MAN2A1: variants seen among roughly 807,000 people sequenced by gnomAD.
MAN2A1 encodes mannosidase alpha class 2A member 1.
In MAN2A1, 76 loss-of-function variants were observed where a neutral mutation model predicts 142.6. The ratio of observed to expected loss-of-function variants is 0.53; its 90% CI spans 0.44 to 0.65. The LOEUF (loss-of-function observed/expected upper bound fraction) is 0.65. Ranked by LOEUF, MAN2A1 falls within the 30% of genes least tolerant of loss-of-function variation. The pLI, the probability that MAN2A1 is intolerant of heterozygous loss-of-function variation, is 0.00. For synonymous variants in MAN2A1, 559 were observed against 473.2 expected (o/e 1.18, Z -2.35); for missense variants, 1,311 against 1,365.1 (o/e 0.96, Z 0.62).
intron 20 of MAN2A1, among the ~76,000 whole-genome samples, chr5:109,855,762 G>A (rs1353231782): frequency 1.3e-5 from 2 of 152,114 alleles, no homozygotes; most frequent in Non-Finnish European, 2.9e-5. Flanking sequence ...AAAACCAACT[G>A]TTTAGAAGAA....
chr5:109,789,689 G>A (rs951195962), intron 12 of MAN2A1, among the ~76,000 whole-genome samples, 162 bp downstream of exon 12: 1 of 151,788 alleles, frequency 6.6e-6, no homozygotes, highest in Non-Finnish European at 1.5e-5. Context: ...TATGCTCAGT[G>A]CCAATAGCTA....
At chr5:109,699,140 T>C (rs542391215) in intron 1 of MAN2A1, among the ~76,000 whole-genome samples, 1 of 152,218 alleles carries the variant, frequency 6.6e-6, no homozygotes, top group Non-Finnish European at 1.5e-5. Flanking sequence ...TCATCAACTT[T>C]AGGCCTAAAG....
chr5:109,811,948 A>C (rs1021495869), intron 12 of MAN2A1, among the ~76,000 whole-genome samples: 8 of 151,980 alleles, frequency 5.3e-5, no homozygotes, highest in African/African-American at 1.9e-4. Flanking sequence ...CTTTATTTAG[A>C]TTTATACATG....
chr5:109,762,041 G>A (rs1349080641), intron 5 of MAN2A1, among the ~76,000 whole-genome samples: 1 of 152,044 alleles, frequency 6.6e-6, no homozygotes, highest in African/African-American at 2.4e-5. Context: ...AAATCCTTCT[G>A]TACCCTTTAG....
At chr5:109,728,530 G>A (rs1751810590) in intron 3 of MAN2A1, among the ~76,000 whole-genome samples, 1 of 150,402 alleles carries the variant, frequency 6.6e-6, no homozygotes, top group Admixed American at 6.6e-5. Context: ...TTAGTAGTCT[G>A]CCTTGTGGTG....
rs533991457 is a variant in MAN2A1 at position 109,830,438 on chromosome 5, T to G, written c.2566+6601T>G. On this transcript the variant is annotated intron_variant, in intron 16 of 21. Coordinates refer to ENST00000261483, the MANE Select transcript of MAN2A1 (RefSeq NM_002372.4). ...CTGACTCCCTGCTTCTAAATTCATC[T>G]TCTACACTTGGTCTTAGCCAAAAGG... Among the ~76,000 whole-genome samples the G allele has an allele frequency of 4.6e-5, 7 of 152,342 alleles. No individual in the cohort carries two copies. In the Middle Eastern group the frequency reaches 0.01, roughly 222 times the overall value.
At chr5:109,742,039 T>C (rs1369578555) in intron 4 of MAN2A1, among the ~76,000 whole-genome samples, 1 of 152,258 alleles carries the variant, frequency 6.6e-6, no homozygotes, top group Non-Finnish European at 1.5e-5. Flanking sequence ...TACTGCATGA[T>C]GTTTATAATA....
At chr5:109,780,498 G>T (rs1232134503) in intron 8 of MAN2A1, among the ~76,000 whole-genome samples, 1 of 149,706 alleles carries the variant, frequency 6.7e-6, no homozygotes, top group African/African-American at 2.5e-5. Flanking sequence ...GAATCAAAAT[G>T]ACTTGCAATA....
chr5:109,797,396 TAAG>T (rs1753892309), intron 12 of MAN2A1, among the ~76,000 whole-genome samples: 1 of 151,458 alleles, frequency 6.6e-6, no homozygotes, highest in Non-Finnish European at 1.5e-5. Flanking sequence ...AGGAGTGAGA[TAAG>T]GAGAGATTGT....
intron 12 of MAN2A1, among the ~76,000 whole-genome samples, chr5:109,810,720 G>A (rs1164366460): frequency 6.6e-6 from 1 of 152,198 alleles, no homozygotes; most frequent in East Asian, 1.9e-4. Context: ...GAAAATGACT[G>A]CAGAAGGCTG....
intron 5 of MAN2A1, among the ~76,000 whole-genome samples, chr5:109,756,613 T>G (rs1460581804): frequency 6.6e-6 from 1 of 152,238 alleles, no homozygotes. Context: ...CACATTTACT[T>G]AATTTTTTCT....
intron 12 of MAN2A1, among the ~76,000 whole-genome samples, chr5:109,802,541 A>T (rs534285988): frequency 6.6e-6 from 1 of 152,320 alleles, no homozygotes; most frequent in East Asian, 1.9e-4. Flanking sequence ...AAGATGCATT[A>T]TAGCAGAAAC....
Position 109,690,120 on chromosome 5 carries a change from G to T in MAN2A1, c.-298G>T, listed in dbSNP as rs903189408. The T allele has an allele frequency of 2.1e-5, 7 of 330,908 alleles. No homozygotes were observed. The Admixed American group carries it at 2.5e-4, about 12-fold the overall frequency. 20.5% of individuals were successfully genotyped at this position (330,908 alleles called of 1,614,324 possible). A position where few individuals can be genotyped will look rare whatever the true frequency, so the allele number is the denominator to read the frequency against. On this transcript the variant is annotated 5_prime_UTR_variant, in exon 1 of 22. Transcript: ENST00000261483. ...GCCTGCCCCGCGCGCCCTGCCGGAG[G>T]TCGGCGCTGAGCTTGCGATCAAGTT... is the stretch of plus-strand genomic sequence containing the variant.
At chr5:109,854,386 C>A (rs914097032) in intron 19 of MAN2A1, 6 of 152,090 alleles carry the variant, frequency 3.9e-5, no homozygotes, top group African/African-American at 1.4e-4. Flanking sequence ...AACCATATAC[C>A]ATAGCAAAAA....
intron 12 of MAN2A1, among the ~76,000 whole-genome samples, chr5:109,809,881 C>G (rs540739254): frequency 1.4e-4 from 22 of 152,184 alleles, no homozygotes; most frequent in East Asian, 1.4e-3. Context: ...TCACTGAGTT[C>G]CCTGTGTCCC....
At chr5:109,798,626 C>T (rs1430159838) in intron 12 of MAN2A1, among the ~76,000 whole-genome samples, 5 of 152,148 alleles carry the variant, frequency 3.3e-5, no homozygotes, top group Admixed American at 1.3e-4. Context: ...ACTTTCAACT[C>T]GTATCCAAAC....
chr5:109,840,224 T>G, intron 16 of MAN2A1: 1 of 224,178 alleles, frequency 4.5e-6, no homozygotes, highest in Non-Finnish European at 9.0e-6. Context: ...TTTCTTGACT[T>G]CTATAGGTCC....
chr5:109,854,995 A>T (rs1321270293), intron 19 of MAN2A1, 145 bp from the exon 20 acceptor site: 1 of 443,788 alleles, frequency 2.3e-6, no homozygotes, highest in Admixed American at 4.2e-5. Flanking sequence ...TAGTTTATGG[A>T]GTATTTTCTA....
In MAN2A1 at chr5:109,836,085, T is replaced by C. The variant is rs188321513; in HGVS notation, c.2567-6243T>C. 2.3e-3 allele frequency among the ~76,000 whole-genome samples: 355 copies of C among 151,952 alleles called. 2 individuals are homozygous for C. The highest frequency in any genetic ancestry group is 3.7e-3 in the Admixed American group (57 of 15,286). On this transcript the variant is annotated intron_variant, in intron 16 of 21. Coordinates refer to ENST00000261483, the MANE Select transcript of MAN2A1 (RefSeq NM_002372.4). ...TCGGGCTTGCCCTCCAGTTTTTCTT[T>C]TAATAATAACAATAATAATAATTAT...
Sources: gnomAD v4.1 joint callset for allele counts (sites outside exome capture counted in the v4.1 genomes callset) on GRCh38, gnomAD v4.1.1 for gene constraint, MANE v1.5 for transcripts, NCBI Gene and HGNC (gene_info 2026-07-23, HGNC 2026-07-21) for gene names.